NRG3: variants seen among roughly 807,000 people sequenced by gnomAD.
NRG3 encodes pro-neuregulin-3, membrane-bound isoform.
Under a neutral mutation model 66.9 loss-of-function variants are expected in NRG3, and 31 were observed. That is an observed-to-expected ratio of 0.46 (90% CI 0.35 to 0.63). The LOEUF (loss-of-function observed/expected upper bound fraction) is 0.63, where lower values mean the gene tolerates loss of function less well. NRG3 is among the 20% of genes least tolerant of loss of function. NRG3 has a pLI of 0.00. For synonymous variants in NRG3, 393 were observed against 359.4 expected, an observed-to-expected ratio of 1.09 and a Z score of -1.06; for missense variants, 910 against 878.9, an observed-to-expected ratio of 1.04 and a Z score of -0.45.
intron 1 of NRG3, among the ~76,000 whole-genome samples, chr10:82,113,321 C>G (rs913617057): frequency 6.6e-6 from 1 of 152,124 alleles, no homozygotes; most frequent in Non-Finnish European, 1.5e-5. Flanking sequence ...TGATGCCAGC[C>G]GTTGTCCTAT....
At chr10:81,906,248 G>A (rs1364159115) in intron 1 of NRG3, among the ~76,000 whole-genome samples, 2 of 151,872 alleles carry the variant, frequency 1.3e-5, no homozygotes, top group Admixed American at 6.6e-5. Context: ...CATTGGAAAC[G>A]AAAATTTCAG....
At chr10:82,299,992 G>C (rs1293647025) in intron 1 of NRG3, among the ~76,000 whole-genome samples, 2 of 151,998 alleles carry the variant, frequency 1.3e-5, no homozygotes, top group Non-Finnish European at 2.9e-5. Flanking sequence ...TTAATCAAGG[G>C]GCTCAGAAAA....
intron 2 of NRG3, among the ~76,000 whole-genome samples, chr10:82,542,537 T>C (rs1005424110): frequency 9.9e-5 from 15 of 152,236 alleles, no homozygotes; most frequent in Non-Finnish European, 2.1e-4. Flanking sequence ...GTAAAATATT[T>C]ATCAATCACA....
chr10:82,973,704 T>C (rs1369903180), intron 6 of NRG3, 84 bp from the exon 7 acceptor site: 3 of 1,483,612 alleles, frequency 2.0e-6, no homozygotes, highest in African/African-American at 2.8e-5. Context: ...GGCATTCCAG[T>C]AACTTCTCAA....
intron 4 of NRG3, among the ~76,000 whole-genome samples, chr10:82,869,732 C>T (rs896681629): frequency 3.3e-5 from 5 of 151,772 alleles, no homozygotes; most frequent in East Asian, 1.9e-4. Context: ...CTCAGCCTCC[C>T]GAGTAGCTGG....
intron 3 of NRG3, among the ~76,000 whole-genome samples, chr10:82,826,984 A>G (rs1268530869): frequency 2.6e-5 from 4 of 152,142 alleles, no homozygotes; most frequent in African/African-American, 9.7e-5. Context: ...TTCCGTCAAA[A>G]TACTTTCTAA....
At chr10:82,742,882 T>A (rs879848779) in intron 3 of NRG3, among the ~76,000 whole-genome samples, 11 of 152,268 alleles carry the variant, frequency 7.2e-5, no homozygotes, top group Non-Finnish European at 1.3e-4. Flanking sequence ...GTCAGAACTG[T>A]GAGCCAGCGA....
At chr10:82,300,139 A>G (rs2080310224) in intron 1 of NRG3, among the ~76,000 whole-genome samples, 1 of 152,212 alleles carries the variant, frequency 6.6e-6, no homozygotes, top group Non-Finnish European at 1.5e-5. Context: ...AATATTTGTT[A>G]TGAGTTAGTA....
intron 2 of NRG3, among the ~76,000 whole-genome samples, chr10:82,572,241 A>T (rs1418312118): frequency 6.6e-6 from 1 of 151,462 alleles, no homozygotes; most frequent in African/African-American, 2.4e-5. Flanking sequence ...GTGTGTTCTT[A>T]CTTACTGAAT....
At chr10:82,223,932 G>A (rs1338957178) in intron 1 of NRG3, among the ~76,000 whole-genome samples, 2 of 152,148 alleles carry the variant, frequency 1.3e-5, no homozygotes, top group Non-Finnish European at 2.9e-5. Context: ...GAGATACAAA[G>A]TGAGTCTGTT....
chr10:82,155,057 C>T (rs1006548480), intron 1 of NRG3, among the ~76,000 whole-genome samples: 2 of 151,878 alleles, frequency 1.3e-5, no homozygotes, highest in Middle Eastern at 3.4e-3. Flanking sequence ...ATTGACTGCT[C>T]TTTAATCTTT....
chr10:82,630,964 GA>G (rs1188440675), intron 2 of NRG3, among the ~76,000 whole-genome samples: 1 of 152,074 alleles, frequency 6.6e-6, no homozygotes, highest in East Asian at 1.9e-4. Context: ...TATTGAGTGT[GA>G]ATATAATTAA....
intron 1 of NRG3, among the ~76,000 whole-genome samples, chr10:82,312,398 A>T (rs2081074183): frequency 6.6e-6 from 1 of 152,172 alleles, no homozygotes; most frequent in South Asian, 2.1e-4. Flanking sequence ...ACTCATATAT[A>T]AAAAGGTTGG....
At chr10:82,393,401 T>G (rs2086518353) in intron 2 of NRG3, among the ~76,000 whole-genome samples, 1 of 152,144 alleles carries the variant, frequency 6.6e-6, no homozygotes. Flanking sequence ...CTCAGCTCTG[T>G]GTACAGTTAG....
intron 3 of NRG3, among the ~76,000 whole-genome samples, chr10:82,784,268 T>C (rs2060247830): frequency 4.0e-5 from 6 of 151,776 alleles, no homozygotes; most frequent in Admixed American, 3.9e-4. Flanking sequence ...GAAGAAAACC[T>C]AGGCATTACC....
chr10:82,476,077 TGAAAA>T (rs1841752108), intron 2 of NRG3, among the ~76,000 whole-genome samples: 1 of 152,044 alleles, frequency 6.6e-6, no homozygotes, highest in Non-Finnish European at 1.5e-5. Flanking sequence ...AATAAGCACA[TGAAAA>T]GAAATTCAAC....
intron 1 of NRG3, chr10:82,230,484 C>A (rs1391467904): frequency 6.6e-6 from 1 of 151,880 alleles, no homozygotes; most frequent in Non-Finnish European, 1.5e-5. Flanking sequence ...GGCAGTGTAA[C>A]CCATGTTCCT....
At chr10:82,539,496 T>C (rs1229420851) in intron 2 of NRG3, among the ~76,000 whole-genome samples, 1 of 152,212 alleles carries the variant, frequency 6.6e-6, no homozygotes, top group Admixed American at 6.5e-5. Context: ...ACATGAATGC[T>C]AAGTCAGGAC....
At chr10:82,580,116 GT>G (rs1229537603) in intron 2 of NRG3, among the ~76,000 whole-genome samples, 1 of 151,822 alleles carries the variant, frequency 6.6e-6, no homozygotes, top group African/African-American at 2.4e-5. Context: ...TAGCTGAATA[GT>G]TGTTATACTT....
Sources: allele counts gnomAD v4.1 joint callset (sites outside exome capture counted in the v4.1 genomes callset), GRCh38; gene constraint gnomAD v4.1.1; transcripts MANE v1.5; gene names NCBI Gene and HGNC (gene_info 2026-07-23, HGNC 2026-07-21).